DAPK2: variants seen among roughly 807,000 people sequenced by gnomAD.
DAPK2 encodes the protein death associated protein kinase 2.
A neutral mutation model predicts 44.1 loss-of-function variants in DAPK2; 35 were observed. That is an observed-to-expected ratio of 0.79 (90% CI 0.61 to 1.05). DAPK2 has a LOEUF of 1.05. DAPK2 is among the 50% of genes least tolerant of loss of function. DAPK2 has a pLI of 0.00. For synonymous variants in DAPK2, 174 were observed against 182.6 expected (o/e 0.95, Z 0.38); for missense variants, 453 against 483.2 (o/e 0.94, Z 0.59).
intron 3 of DAPK2, among the ~76,000 whole-genome samples, chr15:63,970,166 T>A (rs1354302199): frequency 6.6e-6 from 1 of 152,212 alleles, no homozygotes; most frequent in Non-Finnish European, 1.5e-5. Flanking sequence ...CATGCTTACC[T>A]CACTTCTCTG....
intron 1 of DAPK2, among the ~76,000 whole-genome samples, chr15:64,001,605 C>T (rs906388679): frequency 3.9e-5 from 6 of 152,196 alleles, no homozygotes; most frequent in East Asian, 1.9e-4. Flanking sequence ...CCCCCCTCCC[C>T]ACTCTAGGAG....
intron 3 of DAPK2, among the ~76,000 whole-genome samples, chr15:63,952,072 TC>T (rs1427245874): frequency 6.6e-6 from 1 of 152,108 alleles, no homozygotes; most frequent in Non-Finnish European, 1.5e-5. Context: ...AAAACCCATC[TC>T]TACTAAAAAT....
chr15:63,946,548 C>G (rs1280062121), intron 3 of DAPK2, among the ~76,000 whole-genome samples: 2 of 152,214 alleles, frequency 1.3e-5, no homozygotes, highest in East Asian at 3.8e-4. Flanking sequence ...AGATTTCAGA[C>G]AACAGTGGCT....
chr15:64,012,823 C>T (rs933510658), intron 1 of DAPK2, among the ~76,000 whole-genome samples: 1 of 152,144 alleles, frequency 6.6e-6, no homozygotes. Context: ...TTTAAATGCA[C>T]TATTTGATTT....
At chr15:64,045,892 A>G (rs866262194) in intron 1 of DAPK2, among the ~76,000 whole-genome samples, 39 of 152,284 alleles carry the variant, frequency 2.6e-4, no homozygotes, top group African/African-American at 8.7e-4. Flanking sequence ...TCCTCGCATC[A>G]CATCCTTGTG....
chr15:64,021,379 C>T (rs564637920), intron 1 of DAPK2, among the ~76,000 whole-genome samples: 1 of 152,238 alleles, frequency 6.6e-6, no homozygotes, highest in African/African-American at 2.4e-5. Flanking sequence ...CCCCTCCAGA[C>T]AAGAAAACAA....
At chr15:64,009,501 A>G (rs751996208) in intron 1 of DAPK2, among the ~76,000 whole-genome samples, 1 of 151,568 alleles carries the variant, frequency 6.6e-6, no homozygotes, top group Non-Finnish European at 1.5e-5. Context: ...GCCCAAATGT[A>G]CTCTGCTTCC....
intron 10 of DAPK2, 134 bp downstream of exon 11, chr15:63,911,774 G>A: frequency 1.2e-6 from 1 of 863,920 alleles, no homozygotes; most frequent in Non-Finnish European, 1.9e-6. Context: ...CAGGGAAGAG[G>A]AGGACTGGGC....
Position 63,936,707 on chromosome 15 carries a change from A to C in DAPK2, c.583+2525T>G, listed in dbSNP as rs146182780. ...AAGAATCCAGTTTTGTAAGCCGGGC[A>C]TGGTGGTTCACGCCTGTCACCCAGC... is the stretch of plus-strand genomic sequence containing the variant. On this transcript the variant is annotated intron_variant, in intron 4 of 10. Coordinates refer to ENST00000261891, the Ensembl canonical transcript of DAPK2. Among the ~76,000 whole-genome samples the C allele has an allele frequency of 5.9e-3, 893 of 151,972 alleles. 8 individuals carry two copies. The highest frequency in any genetic ancestry group is 0.02 in the African/African-American group (843 of 41,444).
At chr15:63,972,301 C>T (rs2078234183) in intron 2 of DAPK2, among the ~76,000 whole-genome samples, 1 of 152,162 alleles carries the variant, frequency 6.6e-6, no homozygotes, top group Non-Finnish European at 1.5e-5. Context: ...GTGGAAGCTG[C>T]TTTGGAATCA....
At chr15:63,986,737 T>G (rs568938752) in intron 1 of DAPK2, among the ~76,000 whole-genome samples, 1 of 152,328 alleles carries the variant, frequency 6.6e-6, no homozygotes, top group South Asian at 2.1e-4. Flanking sequence ...TGATATTGCC[T>G]GGGGAATTTT....
At chr15:63,940,491 A>C (rs1055736076) in intron 3 of DAPK2, among the ~76,000 whole-genome samples, 4 of 152,164 alleles carry the variant, frequency 2.6e-5, no homozygotes, top group Non-Finnish European at 4.4e-5. Context: ...TGGGTGGATT[A>C]CTTGAGGTCA....
intron 3 of DAPK2, among the ~76,000 whole-genome samples, chr15:63,968,914 C>G (rs1274901369): frequency 1.3e-5 from 2 of 152,184 alleles, no homozygotes; most frequent in Admixed American, 1.3e-4. Flanking sequence ...AAGCAGCTCT[C>G]CTGGAGCCAG....
At chr15:63,933,760 G>A (rs141514535) in intron 4 of DAPK2, among the ~76,000 whole-genome samples, 11 of 151,446 alleles carry the variant, frequency 7.3e-5, no homozygotes, top group African/African-American at 2.4e-4. Context: ...CACTATACCA[G>A]GTAATTTTTA....
chr15:64,020,539 G>A lies in DAPK2; in HGVS notation c.92+19631C>T, dbSNP rs2079653120. 6.6e-6 allele frequency among the ~76,000 whole-genome samples: 1 copy of A among 152,150 alleles called. No individual in the cohort carries two copies. Among genetic ancestry groups the A allele is most frequent in the African/African-American group, 2.4e-5 (1 of 41,412 alleles). On this transcript the variant is annotated intron_variant, in intron 1 of 10. Transcript: ENST00000261891. The surrounding 1 kb of genome is among the most constrained non-coding windows in gnomAD (Gnocchi z 4.5). ...TTTTATTAAGCACCAGCTATGGAAA[G>A]GTATCGCTTGCTTCACCAAAGCAGC... is the stretch of plus-strand genomic sequence containing the variant.
intron 1 of DAPK2, among the ~76,000 whole-genome samples, chr15:64,000,168 T>G (rs894445783): frequency 8.0e-6 from 1 of 125,588 alleles, no homozygotes. Context: ...CTTGCCTGAC[T>G]ACTACTACTA....
chr15:64,009,000 G>A (rs1462785310), intron 1 of DAPK2, among the ~76,000 whole-genome samples: 1 of 152,146 alleles, frequency 6.6e-6, no homozygotes, highest in Non-Finnish European at 1.5e-5. Flanking sequence ...TAGGAAAGTT[G>A]GCCAGAATTT....
At chr15:64,040,251 G>A in exon 1 of DAPK2, 1 of 1,613,822 alleles carries the variant, frequency 6.2e-7, no homozygotes, top group Non-Finnish European at 8.5e-7. Flanking sequence ...CCTCATTGAG[G>A]CCTGGAACAT....
intron 3 of DAPK2, among the ~76,000 whole-genome samples, chr15:63,944,535 A>T (rs1326992687): frequency 6.6e-6 from 1 of 152,190 alleles, no homozygotes; most frequent in Non-Finnish European, 1.5e-5. Context: ...ATGTTTACTA[A>T]GCCAAATTTG....
Sources: gnomAD v4.1 joint callset for allele counts (sites outside exome capture counted in the v4.1 genomes callset) on GRCh38, gnomAD v4.1.1 for gene constraint, Gnocchi (gnomAD v3.1) non-coding constraint, MANE v1.5 for transcripts, NCBI Gene and HGNC (gene_info 2026-07-23, HGNC 2026-07-21) for gene names.